SCAI: variants seen among roughly 807,000 people sequenced by gnomAD.
SCAI encodes the protein protein SCAI.
SCAI carries 24 observed loss-of-function variants against 92.2 expected under a neutral mutation model. That is an observed-to-expected ratio of 0.26 (90% CI 0.19 to 0.37). The LOEUF is 0.37. Among genes scored for constraint, SCAI ranks in the 10% least tolerant of loss-of-function variants. SCAI has a pLI of 1.00. For missense variants in SCAI, 450 were observed against 736.2 expected (o/e 0.61, Z 4.50); for synonymous variants, 261 against 258.6 (o/e 1.01, Z -0.09).
chr9:125,088,774 G>A (rs1463049860), intron 2 of SCAI, among the ~76,000 whole-genome samples: 4 of 152,026 alleles, frequency 2.6e-5, no homozygotes, highest in African/African-American at 9.7e-5. Flanking sequence ...CACCATGCCT[G>A]GATGTATTAT....
At chr9:124,969,666 T>C (rs1205068710) in intron 17 of SCAI, among the ~76,000 whole-genome samples, 3 of 152,212 alleles carry the variant, frequency 2.0e-5, no homozygotes, top group Non-Finnish European at 4.4e-5. Flanking sequence ...ATTACAGAAA[T>C]AGCAACTCTT....
Position 125,064,754 on chromosome 9 carries a change from GA to G in SCAI, c.99-8748del, listed in dbSNP as rs555132547. Among the ~76,000 whole-genome samples, 33 of 152,266 alleles carry G rather than the reference GA, an allele frequency of 2.2e-4. No homozygotes were observed. In the South Asian group the frequency reaches 6.8e-3, roughly 32 times the overall value. On this transcript the variant is annotated intron_variant, in intron 2 of 17. Transcript: ENST00000336505. Reference sequence around the variant, plus strand: ...CCAGCTACTTGGGAGGCTGAGGCAGGAAAATCACTTGAACCCAGGAGGCGGA... The same window carrying G: ...CCAGCTACTTGGGAGGCTGAGGCAGGAAATCACTTGAACCCAGGAGGCGGA...
intron 8 of SCAI, 48 bp from the exon 9 acceptor site, chr9:125,018,999 TC>T: frequency 1.3e-6 from 2 of 1,589,040 alleles, no homozygotes; most frequent in Non-Finnish European, 1.7e-6. Flanking sequence ...AGACTAAATA[TC>T]AATAGAGTAA....
chr9:124,997,813 T>C (rs1588141096), intron 13 of SCAI, among the ~76,000 whole-genome samples: 2 of 149,300 alleles, frequency 1.3e-5, no homozygotes, highest in South Asian at 4.2e-4. Context: ...AAGGCAGAGG[T>C]TGCAGTGAGC....
chr9:124,971,144 A>G (rs186504954), intron 17 of SCAI: 24 of 272,474 alleles, frequency 8.8e-5, no homozygotes, highest in African/African-American at 4.4e-4. Context: ...AACAAACGAT[A>G]GGTACTCAAA....
intron 3 of SCAI, among the ~76,000 whole-genome samples, chr9:125,036,885 C>T (rs574641056): frequency 6.6e-5 from 10 of 152,290 alleles, no homozygotes; most frequent in African/African-American, 2.4e-4. Context: ...CTTGGGGAGG[C>T]TAAGGCGGGA....
intron 17 of SCAI, among the ~76,000 whole-genome samples, chr9:124,955,021 G>T (rs1051618851): frequency 6.6e-6 from 1 of 152,012 alleles, no homozygotes; most frequent in African/African-American, 2.4e-5. Context: ...CAAAAAATTA[G>T]CTGGGTGTGG....
intron 2 of SCAI, among the ~76,000 whole-genome samples, chr9:125,139,333 G>A (rs1765416806): frequency 6.6e-6 from 1 of 151,940 alleles, no homozygotes; most frequent in Non-Finnish European, 1.5e-5. Context: ...AAATCACCTG[G>A]GCCCGAGAAG....
chr9:125,138,206 A>G (rs1235631335), intron 2 of SCAI, among the ~76,000 whole-genome samples: 1 of 149,570 alleles, frequency 6.7e-6, no homozygotes, highest in Non-Finnish European at 1.5e-5. Flanking sequence ...GCCAGGCACT[A>G]TCCTAGGCAC....
chr9:125,035,976 C>A (rs1235092063), intron 3 of SCAI, among the ~76,000 whole-genome samples: 1 of 152,140 alleles, frequency 6.6e-6, no homozygotes, highest in Non-Finnish European at 1.5e-5. Flanking sequence ...TTCTTTACTT[C>A]TCTAATAAAC....
chr9:125,015,965 G>T (rs1175783509), intron 9 of SCAI, among the ~76,000 whole-genome samples: 2 of 144,698 alleles, frequency 1.4e-5, no homozygotes, highest in South Asian at 2.2e-4. Flanking sequence ...TCACTCATAG[G>T]TGGGAACTGA....
chr9:124,966,100 T>G (rs1292068066), intron 17 of SCAI, among the ~76,000 whole-genome samples: 1 of 152,188 alleles, frequency 6.6e-6, no homozygotes, highest in African/African-American at 2.4e-5. Flanking sequence ...AAATTATACT[T>G]TAAGTTCTAG....
intron 2 of SCAI, among the ~76,000 whole-genome samples, chr9:125,089,192 T>C (rs1834381006): frequency 6.6e-6 from 1 of 152,244 alleles, no homozygotes; most frequent in Admixed American, 6.5e-5. Flanking sequence ...ACTCTACTTG[T>C]AGTTCAGACT....
rs188271173 is a variant in SCAI at position 125,054,898 on chromosome 9, C to T, written c.230+978G>A. The stretch of plus-strand genomic sequence containing the variant: ...CTCTTAGGGACATTTCATTTTAATG[C>T]GGGAGAGACATAATAAGCAAGTAAA... On this transcript the variant is annotated intron_variant, in intron 3 of 17. Transcript: ENST00000336505. Among the ~76,000 whole-genome samples, 207 of 152,058 alleles carry T rather than the reference C, an allele frequency of 1.4e-3. 3 individuals are homozygous for T. The highest frequency in any genetic ancestry group is 4.6e-3 in the African/African-American group (192 of 41,478).
chr9:125,047,038 C>T (rs966588693), intron 3 of SCAI, among the ~76,000 whole-genome samples: 3 of 152,018 alleles, frequency 2.0e-5, no homozygotes, highest in Non-Finnish European at 4.4e-5. Flanking sequence ...AAAGCAAAAC[C>T]CACTGGTAAC....
chr9:125,001,235 T>C (rs1053193255), intron 12 of SCAI, among the ~76,000 whole-genome samples: 3 of 152,244 alleles, frequency 2.0e-5, no homozygotes, highest in East Asian at 1.9e-4. Context: ...GGCAAGGACA[T>C]GCATTTTATA....
In SCAI at chr9:124,950,958, T is replaced by G. The variant is rs1475361128; in HGVS notation, c.*1849A>C. 6.7e-6 allele frequency: 1 copy of G among 150,218 alleles called. No individual in the cohort carries two copies. Among genetic ancestry groups the G allele is most frequent in the African/African-American group, 2.5e-5 (1 of 40,684 alleles). The allele number at this position is 150,218 out of a possible 1,614,324, so 9.3% of individuals were successfully genotyped here. A position where few individuals can be genotyped will look rare whatever the true frequency, so the allele number is the denominator to read the frequency against. ...CTGTAGTCCCAGCTACTTGGGAGGC[T>G]GAGGTGAGAAGATTGCCTGAATCCA... On this transcript the variant is annotated 3_prime_UTR_variant, in exon 18 of 18. Transcript: ENST00000336505.
chr9:125,023,249 A>G (rs956903851), intron 6 of SCAI, among the ~76,000 whole-genome samples: 2 of 152,014 alleles, frequency 1.3e-5, no homozygotes, highest in Non-Finnish European at 2.9e-5. Context: ...TTGCTCTTTT[A>G]TGTCACCCAA....
intron 3 of SCAI, among the ~76,000 whole-genome samples, chr9:125,033,327 T>C (rs559710726): frequency 1.3e-5 from 2 of 152,268 alleles, no homozygotes; most frequent in Admixed American, 1.3e-4. Context: ...ATTAAGAGAT[T>C]ATCAGAGACA....
Sources: gnomAD v4.1 joint callset for allele counts (sites outside exome capture counted in the v4.1 genomes callset) on GRCh38, gnomAD v4.1.1 for gene constraint, MANE v1.5 for transcripts, NCBI Gene and HGNC (gene_info 2026-07-23, HGNC 2026-07-21) for gene names.